Variants in SCFD2 observed in about 807,000 individuals in gnomAD.
SCFD2 encodes the protein sec1 family domain-containing protein 2.
In SCFD2, 54 loss-of-function variants were observed where a neutral mutation model predicts 58.9. That is an observed-to-expected ratio of 0.92 (90% CI 0.74 to 1.15). SCFD2 has a LOEUF of 1.15. Among genes scored for constraint, SCFD2 ranks in the 50% most tolerant of loss-of-function variants. The pLI is 0.00. For missense variants in SCFD2, 805 were observed against 836.6 expected (o/e 0.96, Z 0.47); for synonymous variants, 321 against 335.9 (o/e 0.96, Z 0.49).
chr4:53,317,601 C>T (rs540227308), intron 2 of SCFD2, among the ~76,000 whole-genome samples: 2 of 152,194 alleles, frequency 1.3e-5, no homozygotes, highest in African/African-American at 2.4e-5. Flanking sequence ...TCCAACTGTG[C>T]AAAACTTTCT....
At chr4:53,329,224 G>A (rs900993042) in intron 2 of SCFD2, among the ~76,000 whole-genome samples, 6 of 152,210 alleles carry the variant, frequency 3.9e-5, no homozygotes, top group East Asian at 3.9e-4. Flanking sequence ...CTGGAAGCTC[G>A]AACTGGGTGG....
intron 4 of SCFD2, among the ~76,000 whole-genome samples, chr4:53,200,983 A>G (rs1728212459): frequency 1.3e-5 from 2 of 148,770 alleles, no homozygotes; most frequent in South Asian, 4.3e-4. Context: ...GATTTATAAT[A>G]CAAATATTAA....
chr4:53,059,761 A>G (rs1266406515), intron 5 of SCFD2, among the ~76,000 whole-genome samples: 5 of 152,240 alleles, frequency 3.3e-5, no homozygotes, highest in Middle Eastern at 6.8e-3. Flanking sequence ...ATGGACTTCA[A>G]TAATTCTCAG....
chr4:52,928,807 C>A (rs556228990), intron 5 of SCFD2, among the ~76,000 whole-genome samples: 1 of 152,162 alleles, frequency 6.6e-6, no homozygotes, highest in East Asian at 1.9e-4. Flanking sequence ...CCTTGCATGC[C>A]TAGCACAGTG....
At chr4:53,306,961 G>A (rs1375961024) in intron 3 of SCFD2, among the ~76,000 whole-genome samples, 1 of 152,212 alleles carries the variant, frequency 6.6e-6, no homozygotes, top group African/African-American at 2.4e-5. Flanking sequence ...GGAAAAAGAT[G>A]GCACGCCAAC....
chr4:53,173,977 T>G (rs994560183), intron 4 of SCFD2, among the ~76,000 whole-genome samples: 1 of 152,080 alleles, frequency 6.6e-6, no homozygotes, highest in African/African-American at 2.4e-5. Context: ...AAATAAAAGA[T>G]GAAAGCAAAA....
chr4:53,139,449 G>A (rs1231210282), intron 5 of SCFD2, among the ~76,000 whole-genome samples: 57 of 130,916 alleles, frequency 4.4e-4, no homozygotes, highest in Non-Finnish European at 7.6e-4. Flanking sequence ...TCTCTGCCCC[G>A]CCGCCACCCC....
chr4:53,096,996 G>C lies in SCFD2; in HGVS notation c.1561+48337C>G, dbSNP rs546754263. On this transcript the variant is annotated intron_variant, in intron 5 of 8. Transcript: ENST00000401642. ...AATCCTTTCCTCATTTCTTGTTTTTGTCAGGTTTGTCAAAGATCAGATGGT... is the reference window on the plus strand; with the variant it reads ...AATCCTTTCCTCATTTCTTGTTTTTCTCAGGTTTGTCAAAGATCAGATGGT... Among the ~76,000 whole-genome samples, 7 of 152,176 alleles carry C rather than the reference G, an allele frequency of 4.6e-5. No individual in the cohort carries two copies. In the East Asian group the frequency reaches 9.6e-4, roughly 21 times the overall value.
intron 4 of SCFD2, among the ~76,000 whole-genome samples, chr4:53,248,585 C>A (rs953382631): frequency 2.0e-5 from 3 of 152,212 alleles, no homozygotes; most frequent in African/African-American, 7.2e-5. Flanking sequence ...TGAGAATGGG[C>A]AGACTGCCTC....
At chr4:52,907,823 A>G (rs772067567) in intron 6 of SCFD2, among the ~76,000 whole-genome samples, 2 of 152,000 alleles carry the variant, frequency 1.3e-5, no homozygotes, top group African/African-American at 4.8e-5. Context: ...TCTGCTTCTC[A>G]TGCTCCCTTC....
intron 6 of SCFD2, among the ~76,000 whole-genome samples, chr4:52,917,768 C>T (rs1302718312): frequency 2.6e-5 from 4 of 152,132 alleles, no homozygotes; most frequent in South Asian, 4.1e-4. Context: ...TTTATATGCT[C>T]GATGTAACGC....
chr4:53,292,017 GAATT>G (rs1309682185), intron 3 of SCFD2, among the ~76,000 whole-genome samples: 1 of 151,466 alleles, frequency 6.6e-6, no homozygotes, highest in East Asian at 1.9e-4. Flanking sequence ...AATTCAAAAT[GAATT>G]AATTCAAAAT....
intron 5 of SCFD2, among the ~76,000 whole-genome samples, chr4:52,925,255 A>ATG (rs10629778): frequency 0.034 from 4,746 of 137,842 alleles, 282 homozygotes; most frequent in African/African-American, 0.12. Flanking sequence ...CTAAGGCCAC[A>ATG]TGTGTATATA....
At chr4:53,297,721 C>T (rs1033096144) in intron 3 of SCFD2, among the ~76,000 whole-genome samples, 6 of 152,066 alleles carry the variant, frequency 3.9e-5, no homozygotes, top group East Asian at 1.9e-4. Context: ...TTATTTTGCC[C>T]GTTAGTTGAT....
At chr4:53,119,434 T>C (rs563568251) in intron 5 of SCFD2, among the ~76,000 whole-genome samples, 2 of 152,124 alleles carry the variant, frequency 1.3e-5, no homozygotes, top group East Asian at 1.9e-4. Context: ...TGAGCTGAGA[T>C]TGCACCACTG....
intron 3 of SCFD2, among the ~76,000 whole-genome samples, chr4:53,296,326 G>C (rs1387427582): frequency 6.6e-6 from 1 of 152,140 alleles, no homozygotes; most frequent in Non-Finnish European, 1.5e-5. Context: ...CTTGTTATCG[G>C]TCTATTCAGG....
At chr4:53,024,425 A>G (rs1467048692) in intron 5 of SCFD2, among the ~76,000 whole-genome samples, 1 of 152,176 alleles carries the variant, frequency 6.6e-6, no homozygotes, top group African/African-American at 2.4e-5. Context: ...TATTGAAGAA[A>G]TGGTTGTAGA....
chr4:52,895,932 A>T (rs1718996610), intron 7 of SCFD2, among the ~76,000 whole-genome samples: 1 of 152,070 alleles, frequency 6.6e-6, no homozygotes, highest in Admixed American at 6.5e-5. Flanking sequence ...GCATTTTTTC[A>T]TGTGTTTTTT....
intron 1 of SCFD2, among the ~76,000 whole-genome samples, chr4:53,360,305 T>A (rs945229745): frequency 6.6e-6 from 1 of 152,206 alleles, no homozygotes; most frequent in African/African-American, 2.4e-5. Flanking sequence ...ATTTATCAGT[T>A]ATTAGGATCA....
Sources: allele counts gnomAD v4.1 joint callset (sites outside exome capture counted in the v4.1 genomes callset), GRCh38; gene constraint gnomAD v4.1.1; transcripts MANE v1.5; gene names NCBI Gene and HGNC (gene_info 2026-07-23, HGNC 2026-07-21).